The following HSD11B1 variants were observed in gnomAD, a reference collection of about 807,000 sequenced individuals.
HSD11B1 encodes hydroxysteroid 11-beta dehydrogenase 1, also known as 11-beta-hydroxysteroid dehydrogenase 1.
In HSD11B1, 15 loss-of-function variants were observed where a neutral mutation model predicts 22.1. That is an observed-to-expected ratio of 0.68 (90% CI 0.45 to 1.04). HSD11B1 has a LOEUF of 1.04. HSD11B1 is among the 50% of genes least tolerant of loss of function. The pLI is 0.00. For synonymous variants in HSD11B1, 122 were observed against 125.2 expected (o/e 0.97, Z 0.17); for missense variants, 281 against 357.6 (o/e 0.79, Z 1.73).
chr1:209,705,091 T>C, intron 1 of HSD11B1, 61 bp downstream of exon 1: 2 of 1,294,368 alleles, frequency 1.5e-6, no homozygotes, highest in East Asian at 2.3e-5. Context: ...GGTGCTTGAG[T>C]GTTCCTGAGG....
chr1:209,724,126 G>GA (rs1456435107), intron 4 of HSD11B1: 3 of 152,298 alleles, frequency 2.0e-5, no homozygotes, highest in Non-Finnish European at 4.4e-5. Context: ...GCAGAGTGTG[G>GA]GCTGGATTTC....
intron 4 of HSD11B1, among the ~76,000 whole-genome samples, chr1:209,732,139 G>A (rs2077039513): frequency 6.6e-6 from 1 of 152,214 alleles, no homozygotes; most frequent in African/African-American, 2.4e-5. Context: ...AGATGCAAGA[G>A]TTAGCAGCTG....
At chr1:209,686,934 G>A (rs1348821278) in intron 1 of HSD11B1, among the ~76,000 whole-genome samples, 2 of 152,170 alleles carry the variant, frequency 1.3e-5, no homozygotes, top group East Asian at 3.8e-4. Context: ...CAGCTGGGCT[G>A]CTCAGAATAC....
In HSD11B1 at chr1:209,706,794, T is replaced by C. The variant is rs757812747; in HGVS notation, c.305T>C (p.Phe102Ser). ...TMEDMTFAEQFVAQAGKLMGG... is the reference protein window; with the variant it reads ...TMEDMTFAEQSVAQAGKLMGG... ...GAAGACATGACCTTCGCAGAGCAATTTGTTGCCCAAGCAGGAAAGCTCATG... is the reference window on the plus strand; with the variant it reads ...GAAGACATGACCTTCGCAGAGCAATCTGTTGCCCAAGCAGGAAAGCTCATG... The change falls in exon 3 of 6, where the codon TTT (phenylalanine) becomes TCT (serine). Residue 102 changes from phenylalanine (F) to serine (S), a missense_variant. Coordinates refer to ENST00000367027, the MANE Select transcript of HSD11B1 (RefSeq NM_005525.4). The surrounding 1 kb of genome is among the most constrained non-coding windows in gnomAD (Gnocchi z 4.0). The C allele has an allele frequency of 6.2e-6, 10 of 1,614,104 alleles. No homozygotes were observed. Among genetic ancestry groups the C allele is most frequent in the Non-Finnish European group, 8.5e-6 (10 of 1,179,980 alleles).
chr1:209,693,994 G>T (rs569734781), intron 1 of HSD11B1, among the ~76,000 whole-genome samples: 43 of 152,176 alleles, frequency 2.8e-4, no homozygotes, highest in South Asian at 8.3e-4. Flanking sequence ...TGGGTTCTGT[G>T]CTCTCTGTCC....
chr1:209,700,246 T>G (rs987713923), upstream of HSD11B1, among the ~76,000 whole-genome samples: 24 of 152,342 alleles, frequency 1.6e-4, no homozygotes, highest in African/African-American at 5.8e-4. Flanking sequence ...TGCAGAAAAC[T>G]TTTGCTTGGG....
At chr1:209,721,469 C>CAAAAAAAAAAA (rs3059693) in intron 4 of HSD11B1, among the ~76,000 whole-genome samples, 2 of 101,820 alleles carry the variant, frequency 2.0e-5, no homozygotes, top group African/African-American at 6.6e-5. Context: ...ATTTCAAAAG[C>CAAAAAAAAAAA]AAAAAAAAAA....
chr1:209,689,744 A>G (rs886176453), intron 1 of HSD11B1, among the ~76,000 whole-genome samples: 1 of 152,110 alleles, frequency 6.6e-6, no homozygotes, highest in African/African-American at 2.4e-5. Flanking sequence ...CCAGGTGGAG[A>G]TGTCGGCACC....
intron 1 of HSD11B1, among the ~76,000 whole-genome samples, chr1:209,694,314 G>C (rs555659171): frequency 2.2e-4 from 33 of 152,288 alleles, no homozygotes; most frequent in Non-Finnish European, 4.3e-4. Context: ...ACTAACTCTG[G>C]AGATGCAGGG....
intron 4 of HSD11B1, among the ~76,000 whole-genome samples, chr1:209,721,278 T>C (rs1173131782): frequency 2.6e-5 from 4 of 152,106 alleles, no homozygotes; most frequent in African/African-American, 9.7e-5. Flanking sequence ...TTTTGATGAC[T>C]GTATTGTGAT....
chr1:209,713,403 G>A (rs2076910681), intron 4 of HSD11B1, among the ~76,000 whole-genome samples: 1 of 152,168 alleles, frequency 6.6e-6, no homozygotes, highest in Admixed American at 6.5e-5. Flanking sequence ...ATGCATGCAT[G>A]TGTAACTTTT....
intron 1 of HSD11B1, among the ~76,000 whole-genome samples, chr1:209,692,088 A>G (rs1367623373): frequency 6.6e-6 from 1 of 152,082 alleles, no homozygotes; most frequent in Non-Finnish European, 1.5e-5. Context: ...AAAAAAAAAA[A>G]AAGGAAATGG....
chr1:209,696,180 T>G (rs2076790211), intron 1 of HSD11B1, among the ~76,000 whole-genome samples: 1 of 152,202 alleles, frequency 6.6e-6, no homozygotes, highest in Non-Finnish European at 1.5e-5. Context: ...AAATTACTGG[T>G]TGCCTGGGGC....
chr1:209,710,326 T>C (rs1256660548), intron 4 of HSD11B1, among the ~76,000 whole-genome samples: 3 of 152,186 alleles, frequency 2.0e-5, no homozygotes, highest in Non-Finnish European at 2.9e-5. Flanking sequence ...ACATGGCAGC[T>C]AGAACTGAGC....
At position 209,692,297 on chromosome 1, in the gene HSD11B1, G is replaced by A. The variant is rs1053746932; in HGVS notation, c.-49+6012G>A. Among the ~76,000 whole-genome samples, 16 of 152,142 alleles carry A rather than the reference G, an allele frequency of 1.1e-4. 1 individual carries two copies. Among genetic ancestry groups the A allele is most frequent in the Non-Finnish European group, 5.9e-5 (4 of 68,034 alleles). On this transcript the variant is annotated intron_variant, in intron 1 of 6. Coordinates refer to the HSD11B1 transcript ENST00000261465. ...TGTCAAAGAAAACCAGAGCTAGAGA[G>A]CAGTTAAAGTGGTAAAAACAGGTTT...
At chr1:209,692,607 C>CGGT (rs1553286690) in intron 1 of HSD11B1, among the ~76,000 whole-genome samples, 1 of 48,226 alleles carries the variant, frequency 2.1e-5, no homozygotes, top group Admixed American at 2.0e-4. Flanking sequence ...ATTAAAATGG[C>CGGT]GGGGGGGGGG....
intron 4 of HSD11B1, among the ~76,000 whole-genome samples, chr1:209,729,101 G>A (rs1211733211): frequency 6.6e-6 from 1 of 152,170 alleles, no homozygotes; most frequent in African/African-American, 2.4e-5. Context: ...GCTCATGCCT[G>A]TAATCCCAAT....
upstream of HSD11B1, among the ~76,000 whole-genome samples, chr1:209,704,467 G>T (rs1004600571): frequency 1.4e-5 from 2 of 144,596 alleles, no homozygotes; most frequent in Non-Finnish European, 3.0e-5. Flanking sequence ...GGGGTAGGGG[G>T]ACTGAGAGTG....
In HSD11B1 at chr1:209,707,098, G is replaced by T; in HGVS notation, c.487G>T (p.Gly163Ter). 1 of 1,614,108 alleles carries T rather than the reference G, an allele frequency of 6.2e-7. No individual in the cohort carries two copies. The highest frequency in any genetic ancestry group is 8.5e-7 in the Non-Finnish European group (1 of 1,179,998). The change falls in exon 4 of 6, where the codon GGA (glycine) becomes TGA (stop). Residue 163 changes from glycine (G) to a stop codon, truncating the protein, a stop_gained. Transcript: ENST00000367027. LOFTEE classifies it high-confidence loss of function. ...CTTGCCCATGCTGAAGCAGAGCAAT[G>T]GAAGCATTGTTGTCGTCTCCTCTCT... Reference protein sequence around the residue: ...AALPMLKQSNGSIVVVSSLAG... With the variant: ...AALPMLKQSN
Sources: allele counts gnomAD v4.1 joint callset (sites outside exome capture counted in the v4.1 genomes callset), GRCh38; gene constraint gnomAD v4.1.1; non-coding constraint Gnocchi (gnomAD v3.1); transcripts MANE v1.5; gene names NCBI Gene and HGNC (gene_info 2026-07-23, HGNC 2026-07-21).